The following STAT4 variants were observed in gnomAD, a reference collection of about 807,000 sequenced individuals.
STAT4 encodes signal transducer and activator of transcription 4.
In STAT4, 42 loss-of-function variants were observed where a neutral mutation model predicts 110.5. The ratio of observed to expected loss-of-function variants is 0.38; its 90% CI spans 0.30 to 0.49. The LOEUF is 0.49. STAT4 is among the 20% of genes least tolerant of loss of function. The pLI, the probability that STAT4 is intolerant of heterozygous loss-of-function variation, is 0.95. For missense variants in STAT4, 632 were observed against 887.9 expected, an observed-to-expected ratio of 0.71 and a Z score of 3.66; for synonymous variants, 284 against 302.2, an observed-to-expected ratio of 0.94 and a Z score of 0.63.
At chr2:191,063,568 C>T (rs751129094) in intron 8 of STAT4, among the ~76,000 whole-genome samples, 2 of 152,104 alleles carry the variant, frequency 1.3e-5, no homozygotes, top group Non-Finnish European at 2.9e-5. Context: ...GAAATGGACA[C>T]GGAAGGGACT....
rs996130366 is a variant in STAT4 at position 191,053,926 on chromosome 2, A to C, written c.1251+564T>G. Among the ~76,000 whole-genome samples the C allele has an allele frequency of 6.6e-6, 1 of 152,164 alleles. No homozygotes were observed. Among genetic ancestry groups the C allele is most frequent in the Non-Finnish European group, 1.5e-5 (1 of 68,026 alleles). On this transcript the variant is annotated intron_variant, in intron 14 of 23. Transcript: ENST00000392320. The surrounding 1 kb of genome is among the most constrained non-coding windows in gnomAD (Gnocchi z 4.5). ...GTGGATCACTTGAGCCAAGGGGTTCAAGACCAGCCTGGGAAACATGGTGGG... is the reference window on the plus strand; with the variant it reads ...GTGGATCACTTGAGCCAAGGGGTTCCAGACCAGCCTGGGAAACATGGTGGG...
chr2:191,128,107 A>G lies in STAT4; in HGVS notation c.273+18506T>C, dbSNP rs538268594. On this transcript the variant is annotated intron_variant, in intron 3 of 23. Coordinates refer to ENST00000392320, the MANE Select transcript of STAT4 (RefSeq NM_003151.4). ...CGTCTTAAACAGCACTAACCTTTCG[A>G]AATATGAGTGTTATGATATTGACAT... 1.6e-3 allele frequency among the ~76,000 whole-genome samples: 119 copies of G among 72,346 alleles called. 4 individuals carry two copies. The South Asian group carries it at 0.062, about 38-fold the overall frequency. 47.5% of individuals were successfully genotyped at this position (72,346 alleles called of 152,430 possible). A position where few individuals can be genotyped will look rare whatever the true frequency, so the allele number is the denominator to read the frequency against.
intron 3 of STAT4, among the ~76,000 whole-genome samples, chr2:191,129,509 T>A (rs1322971224): frequency 1.3e-5 from 2 of 152,166 alleles, no homozygotes; most frequent in African/African-American, 4.8e-5. Context: ...TACAACATTG[T>A]ATCAAAACAC....
In STAT4 at chr2:191,033,676, T is replaced by G. The variant is rs1695962985; in HGVS notation, c.1716-50A>C. 1.3e-6 allele frequency: 2 copies of G among 1,590,058 alleles called. No individual in the cohort carries two copies. Among genetic ancestry groups the G allele is most frequent in the East Asian group, 4.5e-5 (2 of 44,698 alleles). On this transcript the variant is annotated intron_variant, in intron 19 of 23. Coordinates refer to ENST00000392320, the MANE Select transcript of STAT4 (RefSeq NM_003151.4). This position sits in a 1 kb window ranked among gnomAD's most constrained non-coding sequence, Gnocchi z 6.9. ...CATCTGATCATTATTGGATTTTCAC[T>G]TATTGCATTTACAAAGACCTACAGT...
intron 14 of STAT4, among the ~76,000 whole-genome samples, chr2:191,049,554 C>G (rs1282416721): frequency 6.6e-6 from 1 of 152,116 alleles, no homozygotes; most frequent in Non-Finnish European, 1.5e-5. Flanking sequence ...GATTTTCATC[C>G]AAATTTCTTG....
At position 191,142,647 on chromosome 2, in the gene STAT4, A is replaced by T. The variant is rs572550928; in HGVS notation, c.273+3966T>A. On this transcript the variant is annotated intron_variant, in intron 3 of 23. Transcript: ENST00000392320. This position sits in a 1 kb window ranked among gnomAD's most constrained non-coding sequence, Gnocchi z 4.1. The stretch of plus-strand genomic sequence containing the variant: ...CATAGAAATGATAAATTCAAAGATG[A>T]TGAATAATCCAAATACCCTGACTTA... Among the ~76,000 whole-genome samples the T allele has an allele frequency of 3.3e-5, 5 of 152,354 alleles. No individual in the cohort carries two copies. The South Asian group carries it at 8.3e-4, about 25-fold the overall frequency.
intron 3 of STAT4, among the ~76,000 whole-genome samples, chr2:191,114,406 C>T (rs1698518067): frequency 6.6e-6 from 1 of 152,084 alleles, no homozygotes; most frequent in Non-Finnish European, 1.5e-5. Flanking sequence ...TACTGTGGTA[C>T]ATTTTGTGTG....
Position 191,075,933 on chromosome 2 carries a change from C to A in STAT4, c.372+294G>T, listed in dbSNP as rs969772006. The A allele has an allele frequency of 2.4e-5, 6 of 246,584 alleles. No individual in the cohort carries two copies. The Admixed American group carries it at 2.5e-4, about 10-fold the overall frequency. 15.3% of individuals were successfully genotyped at this position (246,584 alleles called of 1,614,324 possible). A position where few individuals can be genotyped will look rare whatever the true frequency, so the allele number is the denominator to read the frequency against. On this transcript the variant is annotated intron_variant, in intron 4 of 23. Transcript: ENST00000392320. ...TGGTGTGAACATAGCTCACTGCAACCTTGAACTGCTGGGCTCAAGTGATCC... is the reference window on the plus strand; with the variant it reads ...TGGTGTGAACATAGCTCACTGCAACATTGAACTGCTGGGCTCAAGTGATCC...
At chr2:191,072,796 T>C (rs1300917880) in intron 5 of STAT4, among the ~76,000 whole-genome samples, 2 of 152,174 alleles carry the variant, frequency 1.3e-5, no homozygotes, top group African/African-American at 2.4e-5. Flanking sequence ...TGAACAACTT[T>C]ATGCCAATAA....
At chr2:191,134,017 A>G (rs1402543310) in intron 3 of STAT4, among the ~76,000 whole-genome samples, 1 of 152,248 alleles carries the variant, frequency 6.6e-6, no homozygotes, top group Non-Finnish European at 1.5e-5. Flanking sequence ...CACGGCCTAT[A>G]TGATTCCAAT....
chr2:191,124,419 C>A (rs1337238132), intron 3 of STAT4, among the ~76,000 whole-genome samples: 2 of 141,744 alleles, frequency 1.4e-5, no homozygotes, highest in African/African-American at 5.3e-5. Context: ...AGCACCACTG[C>A]ACTCCAGCCT....
chr2:191,083,089 G>C lies in STAT4; in HGVS notation c.274-6764C>G, dbSNP rs781514418. On this transcript the variant is annotated intron_variant, in intron 3 of 23. Coordinates refer to ENST00000392320, the MANE Select transcript of STAT4 (RefSeq NM_003151.4). This position sits in a 1 kb window ranked among gnomAD's most constrained non-coding sequence, Gnocchi z 4.6. ...GCATTAGTGACCAAAGGGGATATAGGATTCTGAGGAAACACATAACCAACA... is the reference window on the plus strand; with the variant it reads ...GCATTAGTGACCAAAGGGGATATAGCATTCTGAGGAAACACATAACCAACA... Among the ~76,000 whole-genome samples the C allele has an allele frequency of 6.6e-6, 1 of 152,172 alleles. No homozygotes were observed. Among genetic ancestry groups the C allele is most frequent in the African/African-American group, 2.4e-5 (1 of 41,448 alleles).
At chr2:191,125,628 C>G (rs1351668926) in intron 3 of STAT4, among the ~76,000 whole-genome samples, 1 of 152,000 alleles carries the variant, frequency 6.6e-6, no homozygotes, top group East Asian at 1.9e-4. Flanking sequence ...GGTAGTACTA[C>G]AGGTGTACGC....
At position 191,044,277 on chromosome 2, in the gene STAT4, A is replaced by G. The variant is rs552845320; in HGVS notation, c.1252-3129T>C. Among the ~76,000 whole-genome samples, 8 of 152,342 alleles carry G rather than the reference A, an allele frequency of 5.3e-5. No individual in the cohort carries two copies. In the South Asian group the frequency reaches 1.7e-3, roughly 32 times the overall value. On this transcript the variant is annotated intron_variant, in intron 14 of 23. Transcript: ENST00000392320. ...CCAAAACTCATTGCTGTAAAATTGC[A>G]GGAAACCAGTTTAAAAGTTTCAGGA...
In STAT4 at chr2:191,058,817, G is replaced by A. The variant is rs3024865; in HGVS notation, c.1035-48C>T. The A allele has an allele frequency of 5.2e-6, 6 of 1,153,122 alleles. No individual in the cohort carries two copies. Among genetic ancestry groups the A allele is most frequent in the Non-Finnish European group, 1.3e-6 (1 of 797,538 alleles). The allele number at this position is 1,153,122 out of a possible 1,614,324, so 71.4% of individuals were successfully genotyped here. On this transcript the variant is annotated intron_variant, in intron 10 of 23. Coordinates refer to ENST00000392320, the MANE Select transcript of STAT4 (RefSeq NM_003151.4). This position sits in a 1 kb window ranked among gnomAD's most constrained non-coding sequence, Gnocchi z 4.3. ...AAAATCAAAGATAAAAATTAAAAGT[G>A]TTTAAAAACCCTTTTTTATATTTAA...
Position 191,090,871 on chromosome 2 carries a change from G to A in STAT4, c.274-14546C>T, listed in dbSNP as rs143464908. Reference sequence around the variant, plus strand: ...CTCCCAAAGTGCTAGGATTACAGGCGTGAGCCACCATACCCGGCCTTAAAC... The same window carrying A: ...CTCCCAAAGTGCTAGGATTACAGGCATGAGCCACCATACCCGGCCTTAAAC... On this transcript the variant is annotated intron_variant, in intron 3 of 23. Transcript: ENST00000392320. The surrounding 1 kb of genome is among the most constrained non-coding windows in gnomAD (Gnocchi z 4.2). Among the ~76,000 whole-genome samples the A allele has an allele frequency of 0.022, 3,316 of 152,160 alleles. 116 individuals are homozygous for A. The highest frequency in any genetic ancestry group is 0.075 in the African/African-American group (3,092 of 41,502).
intron 3 of STAT4, among the ~76,000 whole-genome samples, chr2:191,081,731 G>A (rs769099536): frequency 1.3e-5 from 2 of 152,120 alleles, no homozygotes; most frequent in Non-Finnish European, 2.9e-5. Flanking sequence ...ATATGGTGGT[G>A]ACTTCAGCAA....
intron 3 of STAT4, among the ~76,000 whole-genome samples, chr2:191,106,164 T>A (rs895744587): frequency 2.0e-5 from 3 of 152,166 alleles, no homozygotes; most frequent in African/African-American, 7.2e-5. Context: ...TCAGCCTATC[T>A]CATGCTAAAA....
intron 3 of STAT4, among the ~76,000 whole-genome samples, chr2:191,106,251 G>C (rs760196990): frequency 2.6e-5 from 4 of 152,018 alleles, no homozygotes; most frequent in Non-Finnish European, 5.9e-5. Context: ...TGCTTTTGTG[G>C]CTTTTTTGGC....
Sources: gnomAD v4.1 joint callset for allele counts (sites outside exome capture counted in the v4.1 genomes callset) on GRCh38, gnomAD v4.1.1 for gene constraint, Gnocchi (gnomAD v3.1) non-coding constraint, MANE v1.5 for transcripts, NCBI Gene and HGNC (gene_info 2026-07-23, HGNC 2026-07-21) for gene names.